Variants in PTPRN2 observed in about 807,000 individuals in gnomAD.
PTPRN2 encodes the protein protein tyrosine phosphatase receptor type N2, also known as receptor-type tyrosine-protein phosphatase N2.
Under a neutral mutation model 118.8 loss-of-function variants are expected in PTPRN2, and 74 were observed. That is an observed-to-expected ratio of 0.62 (90% confidence interval 0.52 to 0.76). The LOEUF (loss-of-function observed/expected upper bound fraction) is 0.76. Among genes scored for constraint, PTPRN2 ranks in the 30% least tolerant of loss-of-function variants. The pLI is 0.00. For synonymous variants in PTPRN2, 641 were observed against 608.0 expected (o/e 1.05, Z -0.80); for missense variants, 1,481 against 1,394.4 (o/e 1.06, Z -0.99).
At chr7:158,175,806 G>T (rs117967104) in intron 5 of PTPRN2, among the ~76,000 whole-genome samples, 1,771 of 152,298 alleles carry the variant, frequency 0.012, 20 homozygotes, top group Middle Eastern at 0.024. Context: ...CGAGTTGACA[G>T]TATCACGGGG....
intron 12 of PTPRN2, among the ~76,000 whole-genome samples, chr7:157,761,481 G>C (rs1459765529): frequency 4.0e-5 from 6 of 151,646 alleles, no homozygotes; most frequent in African/African-American, 1.2e-4. Context: ...ACAAACCTGA[G>C]AAAAACAAGC....
chr7:157,725,027 G>A (rs1799448445), intron 12 of PTPRN2, among the ~76,000 whole-genome samples: 1 of 152,300 alleles, frequency 6.6e-6, no homozygotes, highest in African/African-American at 2.4e-5. Context: ...AAATTCTCGT[G>A]TCCTTAAAAA....
intron 2 of PTPRN2, among the ~76,000 whole-genome samples, chr7:158,436,369 G>A (rs1326837185): frequency 6.6e-6 from 1 of 151,882 alleles, no homozygotes; most frequent in East Asian, 1.9e-4. Flanking sequence ...GTCATCTGTT[G>A]ATGGAGTCTC....
chr7:157,938,332 G>A (rs1262663225), intron 11 of PTPRN2, among the ~76,000 whole-genome samples: 2 of 152,230 alleles, frequency 1.3e-5, no homozygotes, highest in Non-Finnish European at 2.9e-5. Context: ...GCACATGCCT[G>A]CAGTGTCATC....
intron 5 of PTPRN2, among the ~76,000 whole-genome samples, chr7:158,172,398 T>G (rs1461726260): frequency 6.6e-6 from 1 of 152,086 alleles, no homozygotes; most frequent in East Asian, 1.9e-4. Flanking sequence ...TTATCACCAT[T>G]AGTGTCACTG....
intron 2 of PTPRN2, among the ~76,000 whole-genome samples, chr7:158,489,182 A>C (rs1311473028): frequency 6.6e-6 from 1 of 152,238 alleles, no homozygotes; most frequent in Non-Finnish European, 1.5e-5. Context: ...GCGGTGACTC[A>C]CGCCTGTAAT....
chr7:157,643,359 A>T (rs775812964), intron 14 of PTPRN2, among the ~76,000 whole-genome samples: 13 of 152,250 alleles, frequency 8.5e-5, no homozygotes, highest in Admixed American at 2.0e-4. Flanking sequence ...TCAGATTTTT[A>T]AAAAATAAAA....
intron 2 of PTPRN2, among the ~76,000 whole-genome samples, chr7:158,484,024 G>A (rs1435996497): frequency 6.6e-6 from 1 of 152,134 alleles, no homozygotes; most frequent in African/African-American, 2.4e-5. Context: ...TGTGCTTGTA[G>A]TCCCAGCTAC....
At chr7:158,156,488 T>A (rs965728721) in intron 6 of PTPRN2, among the ~76,000 whole-genome samples, 2 of 152,198 alleles carry the variant, frequency 1.3e-5, no homozygotes, top group African/African-American at 4.8e-5. Flanking sequence ...ACTTCGGAGC[T>A]GCCCACATTC....
intron 17 of PTPRN2, among the ~76,000 whole-genome samples, chr7:157,593,336 C>T (rs969252116): frequency 1.3e-5 from 2 of 152,042 alleles, no homozygotes; most frequent in Non-Finnish European, 2.9e-5. Context: ...TGGGCATCAT[C>T]GTGGTCATTG....
At chr7:157,732,259 T>C (rs370019037) in intron 12 of PTPRN2, among the ~76,000 whole-genome samples, 442 of 5,494 alleles carry the variant, frequency 0.08, no homozygotes, top group Admixed American at 0.14. Context: ...CCCTTTCCCG[T>C]CCCACGCGCC....
chr7:157,920,380 G>T (rs561292008), intron 11 of PTPRN2, among the ~76,000 whole-genome samples: 1 of 152,148 alleles, frequency 6.6e-6, no homozygotes, highest in African/African-American at 2.4e-5. Context: ...TCCCAGGAGC[G>T]CCAGCACCAA....
chr7:158,370,523 C>T (rs1263369620), intron 2 of PTPRN2, among the ~76,000 whole-genome samples: 1 of 151,900 alleles, frequency 6.6e-6, no homozygotes, highest in African/African-American at 2.4e-5. Flanking sequence ...GAGGCCGAGG[C>T]GGGTGGATCA....
At chr7:157,595,558 T>A (rs149309235) in intron 16 of PTPRN2, among the ~76,000 whole-genome samples, 5,685 of 93,134 alleles carry the variant, frequency 0.061, 356 homozygotes, top group East Asian at 0.18. Context: ...TTAGGAAGCC[T>A]GGAGGTTAGG....
intron 12 of PTPRN2, among the ~76,000 whole-genome samples, chr7:157,853,928 G>A (rs1007658641): frequency 1.1e-4 from 16 of 152,272 alleles, no homozygotes; most frequent in East Asian, 1.9e-4. Flanking sequence ...ATGCGGACAC[G>A]GGGCAGCCAC....
chr7:158,002,939 C>T lies in PTPRN2; in HGVS notation c.1723+78359G>A, dbSNP rs547439042. On this transcript the variant is annotated intron_variant, in intron 11 of 22. Transcript: ENST00000389418. ...GGAGATGGAGTGCCCTGGTCCTGGC[C>T]GGGGTTTGGCAGCACAAGTGGGGGT... Among the ~76,000 whole-genome samples, 13 of 152,206 alleles carry T rather than the reference C, an allele frequency of 8.5e-5. No individual in the cohort carries two copies. The South Asian group carries it at 2.3e-3, about 27-fold the overall frequency.
rs563550432 is a variant in PTPRN2 at position 157,696,140 on chromosome 7, A to G, written c.1789-13203T>C. Among the ~76,000 whole-genome samples, 3 of 139,948 alleles carry G rather than the reference A, an allele frequency of 2.1e-5. No homozygotes were observed. In the South Asian group the frequency reaches 7.5e-4, roughly 35 times the overall value. The allele number at this position is 139,948 out of a possible 152,430, so 91.8% of individuals were successfully genotyped here. A position where few individuals can be genotyped will look rare whatever the true frequency, so the allele number is the denominator to read the frequency against. ...ACCCATGCATACTGGGTCTTGGCAG[A>G]GCCCTCACCATCTACCCATGCATAC... On this transcript the variant is annotated intron_variant, in intron 12 of 22. Transcript: ENST00000389418.
chr7:158,454,224 C>T lies in PTPRN2; in HGVS notation c.163+35511G>A, dbSNP rs55983031. Among the ~76,000 whole-genome samples, 15 of 130,296 alleles carry T rather than the reference C, an allele frequency of 1.2e-4. No individual in the cohort carries two copies. The South Asian group carries it at 2.2e-3, about 19-fold the overall frequency. 85.5% of individuals were successfully genotyped at this position (130,296 alleles called of 152,430 possible). A position where few individuals can be genotyped will look rare whatever the true frequency, so the allele number is the denominator to read the frequency against. ...ATGTGAGGATTGGGGATGGTTGCTA[C>T]AGAGGACAGACAAGACACAACGCAC... On this transcript the variant is annotated intron_variant, in intron 2 of 22. Transcript: ENST00000389418.
At chr7:157,915,513 C>G (rs1438784181) in intron 11 of PTPRN2, among the ~76,000 whole-genome samples, 1 of 149,962 alleles carries the variant, frequency 6.7e-6, no homozygotes. Context: ...TTACCATCCT[C>G]CAGCCCAATG....
Sources: gnomAD v4.1 joint callset for allele counts (sites outside exome capture counted in the v4.1 genomes callset) on GRCh38, gnomAD v4.1.1 for gene constraint, MANE v1.5 for transcripts, NCBI Gene and HGNC (gene_info 2026-07-23, HGNC 2026-07-21) for gene names.